MBD5: variants seen among roughly 807,000 people sequenced by gnomAD.
MBD5 encodes methyl-CpG binding domain protein 5.
Under a neutral mutation model 117.3 loss-of-function variants are expected in MBD5, and 13 were observed. That is an observed-to-expected ratio of 0.11 (90% CI 0.07 to 0.18). The LOEUF is 0.18. Among genes scored for constraint, MBD5 ranks in the 10% least tolerant of loss-of-function variants. MBD5 has a pLI of 1.00. For synonymous variants in MBD5, 727 were observed against 766.4 expected, an observed-to-expected ratio of 0.95 and a Z score of 0.85; for missense variants, 1,879 against 2,093.8, an observed-to-expected ratio of 0.90 and a Z score of 2.00.
chr2:148,457,390 C>A (rs972299723), intron 4 of MBD5, among the ~76,000 whole-genome samples: 28 of 152,070 alleles, frequency 1.8e-4, no homozygotes, highest in African/African-American at 6.8e-4. Context: ...TTTACAAAAA[C>A]AAATAATACT....
intron 3 of MBD5, among the ~76,000 whole-genome samples, chr2:148,261,140 T>A (rs1700721526): frequency 6.6e-6 from 1 of 152,196 alleles, no homozygotes; most frequent in Non-Finnish European, 1.5e-5. Flanking sequence ...TTAGCATAAT[T>A]CTTAAGGGCC....
intron 3 of MBD5, among the ~76,000 whole-genome samples, chr2:148,245,306 A>G (rs555596943): frequency 9.1e-4 from 138 of 152,074 alleles, no homozygotes; most frequent in African/African-American, 3.3e-3. Flanking sequence ...GCTCACTGCA[A>G]CCTCCGCCTC....
At chr2:148,210,677 T>C (rs116444323) in intron 2 of MBD5, among the ~76,000 whole-genome samples, 1,673 of 152,146 alleles carry the variant, frequency 0.011, 22 homozygotes, top group African/African-American at 0.037. Context: ...ATTTTACTTA[T>C]ATTGCTTAAC....
intron 6 of MBD5, among the ~76,000 whole-genome samples, chr2:148,463,362 G>A (rs1387067004): frequency 6.6e-6 from 1 of 152,020 alleles, no homozygotes; most frequent in Non-Finnish European, 1.5e-5. Flanking sequence ...ATAAAATGAA[G>A]CCAAGGAAAA....
intron 4 of MBD5, among the ~76,000 whole-genome samples, chr2:148,417,620 A>G (rs1257429323): frequency 1.3e-5 from 2 of 152,006 alleles, no homozygotes; most frequent in Non-Finnish European, 2.9e-5. Context: ...ACCAACATCT[A>G]TTGTGTTTTA....
At chr2:148,472,451 G>A (rs892682522) in intron 8 of MBD5, 2 of 151,990 alleles carry the variant, frequency 1.3e-5, no homozygotes, top group African/African-American at 2.4e-5. Flanking sequence ...ACTAATTAAC[G>A]TGCATAGGTC....
intron 3 of MBD5, among the ~76,000 whole-genome samples, chr2:148,309,229 A>G (rs934316861): frequency 6.6e-5 from 10 of 152,182 alleles, no homozygotes; most frequent in Non-Finnish European, 1.3e-4. Context: ...CATTGAATCT[A>G]TAAATTACTT....
chr2:148,261,256 A>T (rs977450820), intron 3 of MBD5, among the ~76,000 whole-genome samples: 6 of 152,182 alleles, frequency 3.9e-5, no homozygotes, highest in Admixed American at 2.6e-4. Context: ...TTTGAAGTTG[A>T]ACATTGACTT....
Position 148,452,268 on chromosome 2 carries a change from A to G in MBD5, c.-556-5935A>G, listed in dbSNP as rs148794596. On this transcript the variant is annotated intron_variant, in intron 4 of 13. Coordinates refer to ENST00000642680, the MANE Select transcript of MBD5 (RefSeq NM_001378120.1). Reference sequence around the variant, plus strand: ...CCTAGCACTTTGGAAGGCCAAGGCAAGAGGATCATTTGAGCTCAGGAGTTC... The same window carrying G: ...CCTAGCACTTTGGAAGGCCAAGGCAGGAGGATCATTTGAGCTCAGGAGTTC... Among the ~76,000 whole-genome samples the G allele has an allele frequency of 4.6e-3, 700 of 152,246 alleles. 7 individuals carry two copies. Among genetic ancestry groups the G allele is most frequent in the African/African-American group, 0.016 (671 of 41,550 alleles).
chr2:148,423,280 G>A (rs1330575460), intron 4 of MBD5, among the ~76,000 whole-genome samples: 1 of 151,812 alleles, frequency 6.6e-6, no homozygotes, highest in Non-Finnish European at 1.5e-5. Context: ...CCAATATAAA[G>A]CATTCTTAAA....
chr2:148,404,034 A>G (rs80108258), intron 4 of MBD5, among the ~76,000 whole-genome samples: 2,369 of 152,124 alleles, frequency 0.016, 61 homozygotes, highest in African/African-American at 0.054. Flanking sequence ...CTGGAGGTTC[A>G]TCCAAGATTG....
intron 11 of MBD5, among the ~76,000 whole-genome samples, chr2:148,495,618 CA>C (rs1395785309): frequency 6.6e-6 from 1 of 151,578 alleles, no homozygotes; most frequent in Admixed American, 6.6e-5. Flanking sequence ...ACCTGATTAC[CA>C]AAAAAAGGTC....
intron 2 of MBD5, chr2:148,220,019 A>G (rs981507264): frequency 6.6e-6 from 1 of 152,184 alleles, no homozygotes; most frequent in Admixed American, 6.6e-5. Context: ...GGATGGATAG[A>G]TGAATAATAA....
At chr2:148,432,503 T>A (rs1171340457) in intron 4 of MBD5, among the ~76,000 whole-genome samples, 2 of 152,128 alleles carry the variant, frequency 1.3e-5, no homozygotes. Flanking sequence ...AGTTTTAGGT[T>A]TTACATTAAG....
intron 2 of MBD5, among the ~76,000 whole-genome samples, chr2:148,213,469 G>C (rs1699479125): frequency 1.3e-5 from 2 of 152,074 alleles, no homozygotes; most frequent in African/African-American, 4.8e-5. Context: ...CTTAACAACA[G>C]TAACTATAAA....
At chr2:148,330,649 T>G (rs1702623052) in intron 3 of MBD5, 1 of 152,200 alleles carries the variant, frequency 6.6e-6, no homozygotes, top group Non-Finnish European at 1.5e-5. Flanking sequence ...CAGGCATGAT[T>G]GTCTTTACGG....
chr2:148,093,822 G>A (rs1227392022), intron 1 of MBD5, among the ~76,000 whole-genome samples: 2 of 152,134 alleles, frequency 1.3e-5, no homozygotes, highest in Non-Finnish European at 2.9e-5. Flanking sequence ...ATGTATCAGT[G>A]TATCTTTGTT....
At chr2:148,031,999 C>T (rs1030778308) in intron 1 of MBD5, among the ~76,000 whole-genome samples, 1 of 152,096 alleles carries the variant, frequency 6.6e-6, no homozygotes, top group East Asian at 1.9e-4. Flanking sequence ...ATGTAAATTA[C>T]CATCCAGTCT....
At chr2:148,094,384 T>C (rs2105253869) in intron 1 of MBD5, among the ~76,000 whole-genome samples, 1 of 152,282 alleles carries the variant, frequency 6.6e-6, no homozygotes, top group Non-Finnish European at 1.5e-5. Context: ...GACTTGCCAA[T>C]TTTGGACACA....
Sources: gnomAD v4.1 joint callset for allele counts (sites outside exome capture counted in the v4.1 genomes callset) on GRCh38, gnomAD v4.1.1 for gene constraint, MANE v1.5 for transcripts, NCBI Gene and HGNC (gene_info 2026-07-23, HGNC 2026-07-21) for gene names.